The following PKD1 variants were observed in gnomAD, a reference collection of about 807,000 sequenced individuals.
PKD1 encodes polycystin 1, transient receptor potential channel interacting.
Under a neutral mutation model 361.7 loss-of-function variants are expected in PKD1, and 81 were observed. That is an observed-to-expected ratio of 0.22 (90% CI 0.19 to 0.27). The LOEUF is 0.27. Ranked by LOEUF, PKD1 falls within the 10% of genes least tolerant of loss-of-function variation. PKD1 has a pLI of 1.00. For synonymous variants in PKD1, 3,615 were observed against 2,818.3 expected (o/e 1.28, Z -8.95); for missense variants, 6,399 against 6,118.3 (o/e 1.05, Z -1.53).
In PKD1 at chr16:2,106,346, C is replaced by T. The variant is rs768721056; in HGVS notation, c.7490-42G>A. ...ACGGCATCACGGGAGGGCTCCGTGA[C>T]GTCACAGAGTCGGGGGATCCCGCTG... On this transcript the variant is annotated intron_variant, in intron 18 of 45. Transcript: ENST00000262304. The surrounding 1 kb of genome is among the most constrained non-coding windows in gnomAD (Gnocchi z 6.5). The T allele has an allele frequency of 9.4e-6, 15 of 1,602,602 alleles. No individual in the cohort carries two copies. Among genetic ancestry groups the T allele is most frequent in the Middle Eastern group, 2.3e-4 (1 of 4,422 alleles).
chr16:2,095,690 C>A (rs534446889), intron 34 of PKD1, among the ~76,000 whole-genome samples: 1 of 152,364 alleles, frequency 6.6e-6, no homozygotes, highest in Non-Finnish European at 1.5e-5. Context: ...AGGACAAACC[C>A]AAGCCTCCGA....
Position 2,130,068 on chromosome 16 carries a change from C to T in PKD1, c.215+5407G>A, listed in dbSNP as rs556365954. ...GCCGGCAATCGCGTACAGGAGTGAG[C>T]GTGTGACTTCTTGTCCACATTTTTG... On this transcript the variant is annotated intron_variant, in intron 1 of 45. Transcript: ENST00000262304. Among the ~76,000 whole-genome samples the T allele has an allele frequency of 8.5e-5, 13 of 152,268 alleles. No individual in the cohort carries two copies. In the East Asian group the frequency reaches 2.1e-3, roughly 25 times the overall value.
Position 2,090,192 on chromosome 16 carries a change from G to A in PKD1, c.12447C>T (p.Phe4149=), listed in dbSNP as rs1596472415. 6.2e-7 allele frequency: 1 copy of A among 1,604,982 alleles called. No homozygotes were observed. The highest frequency in any genetic ancestry group is 8.5e-7 in the Non-Finnish European group (1 of 1,175,812). ...TCCCTTCAAAGCGGACTTTGTGGCGGAACTGGGGGCGGCACAGGGGCTCAG... is the reference window on the plus strand; with the variant it reads ...TCCCTTCAAAGCGGACTTTGTGGCGAAACTGGGGGCGGCACAGGGGCTCAG... ...LWMGLSKVKE[F]RHKVRFEGME... is the part of the protein sequence containing the mutation. Residue 4149 remains phenylalanine (F), a splice_region_variant and synonymous_variant, in exon 46 of 46, where the codon TTC becomes TTT. Coordinates refer to ENST00000262304, the MANE Select transcript of PKD1 (RefSeq NM_001009944.3).
At chr16:2,129,541 ATTTTT>A (rs71148122) in intron 1 of PKD1, among the ~76,000 whole-genome samples, 4 of 72,078 alleles carry the variant, frequency 5.5e-5, no homozygotes, top group East Asian at 3.6e-4. Flanking sequence ...AGATCCTGTG[ATTTTT>A]TTTTTTTTTT....
rs771746062 is a variant in PKD1, at chr16:2,106,590, G to A, written c.7297C>T (p.Leu2433=). 1.3e-6 allele frequency: 2 copies of A among 1,597,820 alleles called. No individual in the cohort carries two copies. The highest frequency in any genetic ancestry group is 1.3e-5 in the African/African-American group (1 of 74,816). Reference sequence around the variant, plus strand: ...CCGTCCCGCAGCACGCCCCGCCGCAGCACCAGTCGCATGCCTGCACTGCCC... The same window carrying A: ...CCGTCCCGCAGCACGCCCCGCCGCAACACCAGTCGCATGCCTGCACTGCCC... ...STGSAGMRLV[L]RRGVLRDGEG... The change falls in exon 18 of 46, where the codon CTG becomes TTG. Residue 2433 remains leucine (L), a synonymous_variant. Transcript: ENST00000262304. This position sits in a 1 kb window ranked among gnomAD's most constrained non-coding sequence, Gnocchi z 6.5.
In PKD1 at chr16:2,112,422, G is replaced by A; in HGVS notation, c.3213C>T (p.Tyr1071=). 1.3e-6 allele frequency: 2 copies of A among 1,584,994 alleles called. No individual in the cohort carries two copies. The highest frequency in any genetic ancestry group is 1.7e-6 in the Non-Finnish European group (2 of 1,172,328). Reference sequence around the variant, plus strand: ...GGTCTGGAACCGGGAAGGACTCGTTGTACGGAGGCTGGAACTGGTGGAGGG... The same window carrying A: ...GGTCTGGAACCGGGAAGGACTCGTTATACGGAGGCTGGAACTGGTGGAGGG... ...EQALHQFQPP[Y]NESFPVPDPS... is the part of the protein sequence containing the mutation. Residue 1071 remains tyrosine (Y), a synonymous_variant, in exon 14 of 46, where the codon TAC becomes TAT. Transcript: ENST00000262304.
chr16:2,091,822 G>A lies in PKD1; in HGVS notation c.11496C>T (p.Asp3832=), dbSNP rs1337985878. The A allele has an allele frequency of 1.2e-6, 2 of 1,610,288 alleles. No individual in the cohort carries two copies. The part of the protein sequence containing the change: ...ELGLSLEESR[D]RLRFLQLHNW... ...TGTGCAGCTGCAGGAAGCGCAGCCG[G>A]TCGCGGCTCTCCTCCAGGCTCAGGC... is the stretch of plus-strand genomic sequence containing the variant. The change falls in exon 41 of 46, where the codon GAC becomes GAT. Residue 3832 remains aspartate (D), a synonymous_variant. Coordinates refer to ENST00000262304, the MANE Select transcript of PKD1 (RefSeq NM_001009944.3).
intron 7 of PKD1, 40 bp from the exon 8 acceptor site, chr16:2,116,684 C>T (rs553319161): frequency 2.6e-5 from 32 of 1,249,110 alleles, no homozygotes; most frequent in Middle Eastern, 5.2e-4. Flanking sequence ...GGGCCAGGGC[C>T]CAGGACACCA....
chr16:2,104,271 G>C (rs1212559604), intron 22 of PKD1, among the ~76,000 whole-genome samples: 1 of 65,966 alleles, frequency 1.5e-5, no homozygotes, highest in Non-Finnish European at 3.1e-5. Flanking sequence ...GGAGGACGGG[G>C]GGGGAAATGG....
chr16:2,119,621 G>C (rs1164852150), intron 1 of PKD1, among the ~76,000 whole-genome samples: 1 of 152,182 alleles, frequency 6.6e-6, no homozygotes, highest in African/African-American at 2.4e-5. Context: ...CCTATGCCGA[G>C]TGCCACATGG....
chr16:2,100,091 G>A lies in PKD1; in HGVS notation c.9713-20C>T, dbSNP rs372603401. The A allele has an allele frequency of 6.1e-4, 980 of 1,602,548 alleles. 5 individuals are homozygous for A. In the African/African-American group the frequency reaches 9.9e-3, roughly 16 times the overall value. ...CGTCGCCTAGAAGGCAGGGAGGGCCGCACTGCAGGAGGCCACGGGGCAGGA... is the reference window on the plus strand; with the variant it reads ...CGTCGCCTAGAAGGCAGGGAGGGCCACACTGCAGGAGGCCACGGGGCAGGA... On this transcript the variant is annotated intron_variant, in intron 28 of 45. Coordinates refer to ENST00000262304, the MANE Select transcript of PKD1 (RefSeq NM_001009944.3). The surrounding 1 kb of genome is among the most constrained non-coding windows in gnomAD (Gnocchi z 4.4).
intron 1 of PKD1, among the ~76,000 whole-genome samples, chr16:2,130,716 C>T (rs757855993): frequency 4.6e-5 from 7 of 152,170 alleles, no homozygotes; most frequent in Non-Finnish European, 7.3e-5. Flanking sequence ...CTGTCTTCCC[C>T]GACGCCAATC....
intron 1 of PKD1, among the ~76,000 whole-genome samples, chr16:2,128,686 G>A (rs1047104255): frequency 3.3e-5 from 5 of 152,170 alleles, no homozygotes; most frequent in Non-Finnish European, 7.4e-5. Context: ...GCCACCGCGG[G>A]GAGAGGGTGC....
In PKD1 at chr16:2,103,835, G is replaced by T. The variant is rs1369472203; in HGVS notation, c.8222C>A (p.Ala2741Asp). Reference sequence around the variant, plus strand: ...CGCCACCATCCGAGATGGTGACTCGGCTCCCAGCTCTGAGGGCTGTGGTGC... The same window carrying T: ...CGCCACCATCCGAGATGGTGACTCGTCTCCCAGCTCTGAGGGCTGTGGTGC... ...VRAPQPSELG[A>D]ESPSRMVASQ... The change falls in exon 23 of 46, where the codon GCC becomes GAC. Residue 2741 changes from alanine (A) to aspartate (D), a missense_variant. Physicochemically the swap from Ala to Asp is moderately radical, Grantham distance 126. Coordinates refer to ENST00000262304, the MANE Select transcript of PKD1 (RefSeq NM_001009944.3). The T allele has an allele frequency of 6.2e-7, 1 of 1,607,602 alleles. No homozygotes were observed. The highest frequency in any genetic ancestry group is 1.4e-5 in the African/African-American group (1 of 74,024).
At position 2,088,730 on chromosome 16, in the gene PKD1, T is replaced by C. The variant is rs1311319790; in HGVS notation, c.*997A>G. On this transcript the variant is annotated 3_prime_UTR_variant, in exon 46 of 46. Coordinates refer to ENST00000262304, the MANE Select transcript of PKD1 (RefSeq NM_001009944.3). ...AGATTGCAGTCAGACAGCTCTTTTATTGACTTTGTCTGCTTGGTGCGGGGG... is the reference window on the plus strand; with the variant it reads ...AGATTGCAGTCAGACAGCTCTTTTACTGACTTTGTCTGCTTGGTGCGGGGG... The C allele has an allele frequency of 3.6e-6, 5 of 1,375,350 alleles. No homozygotes were observed. The highest frequency in any genetic ancestry group is 1.3e-5 in the South Asian group (1 of 75,996). The allele number at this position is 1,375,350 out of a possible 1,614,324, so 85.2% of individuals were successfully genotyped here.
In PKD1 at chr16:2,090,975, G is replaced by A. The variant is rs1438256055; in HGVS notation, c.11912C>T (p.Pro3971Leu). ...CTGGTCGAAGCTAGTGAAGCGGCGC[G>A]GGCGGCCGCGCACGAAACGGGTCCA... ...RQWTRFVRGR[P>L]RRFTSFDQVA... Residue 3971 changes from proline (P) to leucine (L), a missense_variant, in exon 43 of 46, where the codon CCG becomes CTG. By Grantham distance (98) the Pro-to-Leu change is moderately conservative. Transcript: ENST00000262304. 1.3e-6 allele frequency: 2 copies of A among 1,539,642 alleles called. No individual in the cohort carries two copies. Among genetic ancestry groups the A allele is most frequent in the Non-Finnish European group, 1.7e-6 (2 of 1,148,728 alleles).
At position 2,114,175 on chromosome 16, in the gene PKD1, G is replaced by C. The variant is rs368272435; in HGVS notation, c.2848C>G (p.Leu950Val). The C allele has an allele frequency of 3.1e-6, 5 of 1,605,332 alleles. No homozygotes were observed. In the Admixed American group the frequency reaches 8.3e-5, roughly 27 times the overall value. ...GGAGCCTCGGCCATACTCACCACTA[G>C]GACTCCCTGCAGTACACGGGCCTCG... ...SPEARVLQGV[L>V]VRYSPVVEAG... is the part of the protein sequence containing the mutation. The change falls in exon 11 of 46, where the codon CTA (leucine) becomes GTA (valine). Residue 950 changes from leucine (L) to valine (V), a missense_variant. By Grantham distance (32) the Leu-to-Val change is conservative. Coordinates refer to ENST00000262304, the MANE Select transcript of PKD1 (RefSeq NM_001009944.3).
Position 2,118,415 on chromosome 16 carries a change from C to T in PKD1, c.577G>A (p.Ala193Thr), listed in dbSNP as rs1278162948. Residue 193 changes from alanine to threonine, a missense_variant, in exon 5 of 46, where the codon GCA (alanine) becomes ACA (threonine). By Grantham distance (58) the Ala-to-Thr change is moderately conservative. Transcript: ENST00000262304. The surrounding 1 kb of genome is among the most constrained non-coding windows in gnomAD (Gnocchi z 6.0). Reference sequence around the variant, plus strand: ...TGGGCAGCTGAAAAGGACACTGCTGCCACGGTGCCTGAGCTGTTGTCAGGG... The same window carrying T: ...TGGGCAGCTGAAAAGGACACTGCTGTCACGGTGCCTGAGCTGTTGTCAGGG... The part of the protein sequence containing the change: ...CLPDNSSGTV[A>T]AVSFSAAHEG... 2 of 1,230,212 alleles carry T rather than the reference C, an allele frequency of 1.6e-6. No homozygotes were observed. Among genetic ancestry groups the T allele is most frequent in the African/African-American group, 3.0e-5 (2 of 67,010 alleles). 76.2% of individuals were successfully genotyped at this position (1,230,212 alleles called of 1,614,324 possible).
At position 2,110,795 on chromosome 16, in the gene PKD1, C is replaced by A; in HGVS notation, c.4372G>T (p.Ala1458Ser). ...ACGGGCTCCTGCACCTCCACCAGGGCTGAGTCATTGGCAGCAGAGATGTTG... is the reference window on the plus strand; with the variant it reads ...ACGGGCTCCTGCACCTCCACCAGGGATGAGTCATTGGCAGCAGAGATGTTG... ...SNNISAANDS[A>S]LVEVQEPVLV... Residue 1458 changes from alanine (A) to serine (S), a missense_variant, in exon 15 of 46, where the codon GCC (alanine) becomes TCC (serine). Ala to Ser is a moderately conservative substitution (Grantham distance 99). Transcript: ENST00000262304. 6.2e-7 allele frequency: 1 copy of A among 1,611,298 alleles called. No individual in the cohort carries two copies. The highest frequency in any genetic ancestry group is 1.1e-5 in the South Asian group (1 of 91,012).
Sources: gnomAD v4.1 joint callset for allele counts (sites outside exome capture counted in the v4.1 genomes callset) on GRCh38, gnomAD v4.1.1 for gene constraint, Gnocchi (gnomAD v3.1) non-coding constraint, MANE v1.5 for transcripts, NCBI Gene and HGNC (gene_info 2026-07-23, HGNC 2026-07-21) for gene names.